CDH20: variants seen among roughly 807,000 people sequenced by gnomAD.
CDH20 encodes the protein cadherin 20.
CDH20 carries 29 observed loss-of-function variants against 74.2 expected under a neutral mutation model. That is an observed-to-expected ratio of 0.39 (90% confidence interval 0.29 to 0.53). The LOEUF (loss-of-function observed/expected upper bound fraction) is 0.53, where lower values mean the gene tolerates loss of function less well. Among genes scored for constraint, CDH20 ranks in the 20% least tolerant of loss-of-function variants. The probability of loss-of-function intolerance (pLI) is 0.69; values close to 1 mark genes in which losing one functional copy is unlikely to be tolerated. For synonymous variants in CDH20, 469 were observed against 405.4 expected (o/e 1.16, Z -1.88); for missense variants, 988 against 1,048.3 (o/e 0.94, Z 0.79).
intron 1 of CDH20, among the ~76,000 whole-genome samples, chr18:61,485,751 A>T (rs1910738974): frequency 6.6e-6 from 1 of 152,146 alleles, no homozygotes; most frequent in South Asian, 2.1e-4. Context: ...TCCACCTCCC[A>T]GTCAAGGTTC....
chr18:61,521,855 T>C (rs957786768), intron 6 of CDH20, among the ~76,000 whole-genome samples: 30 of 152,316 alleles, frequency 2.0e-4, no homozygotes, highest in African/African-American at 7.0e-4. Flanking sequence ...AGAAAAGCCC[T>C]TCAATAAAAT....
chr18:61,383,682 GAGT>G (rs1229308705), intron 1 of CDH20, among the ~76,000 whole-genome samples: 1 of 152,180 alleles, frequency 6.6e-6, no homozygotes, highest in Non-Finnish European at 1.5e-5. Flanking sequence ...ATTCTACTGA[GAGT>G]AACAGAAAAA....
chr18:61,417,207 T>C (rs930996439), intron 1 of CDH20, among the ~76,000 whole-genome samples: 3 of 152,026 alleles, frequency 2.0e-5, no homozygotes, highest in Non-Finnish European at 4.4e-5. Flanking sequence ...GGAGATAAGA[T>C]TATAGAGGTA....
At chr18:61,378,354 C>T (rs1034075017) in intron 1 of CDH20, among the ~76,000 whole-genome samples, 6 of 152,130 alleles carry the variant, frequency 3.9e-5, no homozygotes, top group Non-Finnish European at 7.4e-5. Flanking sequence ...GGTGAAAGTT[C>T]CAGTCCAAGT....
intron 1 of CDH20, among the ~76,000 whole-genome samples, chr18:61,349,188 T>A (rs1910225591): frequency 1.3e-5 from 2 of 152,178 alleles, no homozygotes; most frequent in African/African-American, 4.8e-5. Context: ...CTGTTCTGTG[T>A]GCCCTAACAG....
intron 1 of CDH20, among the ~76,000 whole-genome samples, chr18:61,468,393 C>A (rs1375355976): frequency 6.6e-6 from 1 of 152,048 alleles, no homozygotes. Context: ...GAAGGAAATC[C>A]CTTTTCATTT....
intron 1 of CDH20, among the ~76,000 whole-genome samples, chr18:61,337,830 C>T (rs1467521406): frequency 2.0e-5 from 3 of 152,046 alleles, no homozygotes; most frequent in African/African-American, 7.2e-5. Context: ...TAGGTTCAGC[C>T]CTCCCTGAAT....
intron 4 of CDH20, 121 bp from the exon 5 acceptor site, chr18:61,502,832 C>T (rs1911432438): frequency 2.9e-6 from 2 of 701,398 alleles, no homozygotes; most frequent in East Asian, 2.8e-5. Flanking sequence ...TTTAAAAGCA[C>T]AGGTGACTTG....
chr18:61,472,747 T>C (rs1910228636), intron 1 of CDH20, among the ~76,000 whole-genome samples: 1 of 152,208 alleles, frequency 6.6e-6, no homozygotes, highest in Admixed American at 6.5e-5. Context: ...TTAATTGTAG[T>C]CACTAGTGCC....
At chr18:61,393,202 G>A (rs1911851800) in intron 1 of CDH20, among the ~76,000 whole-genome samples, 1 of 152,076 alleles carries the variant, frequency 6.6e-6, no homozygotes, top group Non-Finnish European at 1.5e-5. Flanking sequence ...CTAGAAACCA[G>A]AAAAGGGGAA....
chr18:61,504,675 A>G (rs887925658), intron 5 of CDH20, among the ~76,000 whole-genome samples: 12 of 152,116 alleles, frequency 7.9e-5, no homozygotes, highest in African/African-American at 2.9e-4. Context: ...CAGGTGAAAC[A>G]CTTAGCTAGG....
intron 1 of CDH20, among the ~76,000 whole-genome samples, chr18:61,414,117 A>G (rs1167310679): frequency 6.6e-6 from 1 of 152,142 alleles, no homozygotes; most frequent in African/African-American, 2.4e-5. Context: ...TGGTCCCTCC[A>G]TCGTATTTTA....
intron 1 of CDH20, among the ~76,000 whole-genome samples, chr18:61,380,764 G>A (rs554797943): frequency 6.6e-5 from 10 of 152,144 alleles, no homozygotes; most frequent in African/African-American, 1.4e-4. Flanking sequence ...AGCCGAGATC[G>A]TGCCACTGCA....
intron 1 of CDH20, among the ~76,000 whole-genome samples, chr18:61,486,807 C>T (rs1948294079): frequency 6.6e-6 from 1 of 152,168 alleles, no homozygotes; most frequent in Admixed American, 6.5e-5. Context: ...AGTCGACTGA[C>T]TGCTTCTATA....
chr18:61,380,441 G>A (rs928749078), intron 1 of CDH20, among the ~76,000 whole-genome samples: 1 of 152,152 alleles, frequency 6.6e-6, no homozygotes, highest in African/African-American at 2.4e-5. Flanking sequence ...TTGCTTTTGT[G>A]TTGTTGTTCA....
chr18:61,345,317 A>C (rs2144099853), intron 1 of CDH20, among the ~76,000 whole-genome samples: 1 of 152,294 alleles, frequency 6.6e-6, no homozygotes, highest in African/African-American at 2.4e-5. Flanking sequence ...TAGGACTTAA[A>C]AAGCATCTTA....
At chr18:61,430,556 A>C (rs557064691) in intron 1 of CDH20, among the ~76,000 whole-genome samples, 1 of 152,168 alleles carries the variant, frequency 6.6e-6, no homozygotes, top group South Asian at 2.1e-4. Flanking sequence ...TATGCTCCAC[A>C]TCTCTGAAAG....
At chr18:61,376,615 G>C (rs979423413) in intron 1 of CDH20, among the ~76,000 whole-genome samples, 1 of 148,938 alleles carries the variant, frequency 6.7e-6, no homozygotes, top group African/African-American at 2.5e-5. Flanking sequence ...AAAATAAAAA[G>C]AGAAAATAAA....
At chr18:61,517,206 C>T (rs1383528111) in intron 6 of CDH20, among the ~76,000 whole-genome samples, 1 of 152,132 alleles carries the variant, frequency 6.6e-6, no homozygotes, top group Admixed American at 6.5e-5. Context: ...AGATGTATTC[C>T]ATATTACATC....
Sources: gnomAD v4.1 joint callset for allele counts (sites outside exome capture counted in the v4.1 genomes callset) on GRCh38, gnomAD v4.1.1 for gene constraint, MANE v1.5 for transcripts, NCBI Gene and HGNC (gene_info 2026-07-23, HGNC 2026-07-21) for gene names.